CSMD1: variants seen among roughly 807,000 people sequenced by gnomAD.
The protein encoded by CSMD1 is CUB and sushi domain-containing protein 1.
In CSMD1, 213 loss-of-function variants were observed where a neutral mutation model predicts 417.5. That is an observed-to-expected ratio of 0.51 (90% CI 0.46 to 0.57). CSMD1 has a LOEUF of 0.57. CSMD1 is among the 20% of genes least tolerant of loss of function. The pLI is 0.00. For synonymous variants in CSMD1, 2,862 were observed against 1,736.8 expected, an observed-to-expected ratio of 1.65 and a Z score of -16.11; for missense variants, 6,923 against 4,529.7, an observed-to-expected ratio of 1.53 and a Z score of -15.17.
chr8:3,643,268 G>C (rs779950400), intron 7 of CSMD1, among the ~76,000 whole-genome samples: 5 of 151,992 alleles, frequency 3.3e-5, no homozygotes, highest in Non-Finnish European at 7.4e-5. Context: ...GATTCCAAAA[G>C]TAGCCAAAGA....
At chr8:3,028,449 C>A (rs1810108587) in intron 51 of CSMD1, among the ~76,000 whole-genome samples, 1 of 152,258 alleles carries the variant, frequency 6.6e-6, no homozygotes, top group East Asian at 1.9e-4. Context: ...CACTAATAAA[C>A]ACCTGGAAAA....
intron 4 of CSMD1, among the ~76,000 whole-genome samples, chr8:3,998,440 G>T (rs1163631952): frequency 6.6e-6 from 1 of 152,144 alleles, no homozygotes; most frequent in Non-Finnish European, 1.5e-5. Flanking sequence ...CCGAATCCTG[G>T]AAGATGACAC....
chr8:4,595,310 A>C (rs567538611), intron 2 of CSMD1, among the ~76,000 whole-genome samples: 2 of 137,684 alleles, frequency 1.5e-5, no homozygotes, highest in East Asian at 4.5e-4. Flanking sequence ...ATAAAGGGTG[A>C]TTTCTAAGGC....
intron 5 of CSMD1, among the ~76,000 whole-genome samples, chr8:3,856,855 G>T (rs1804349559): frequency 6.6e-6 from 1 of 152,176 alleles, no homozygotes; most frequent in South Asian, 2.1e-4. Flanking sequence ...AGCCACAGCA[G>T]ATCCAGCATG....
chr8:3,844,882 C>G (rs1393640019), intron 5 of CSMD1, among the ~76,000 whole-genome samples: 1 of 152,046 alleles, frequency 6.6e-6, no homozygotes, highest in African/African-American at 2.4e-5. Flanking sequence ...AAAGTTTTTT[C>G]TAAAATTCTT....
chr8:3,385,286 T>C (rs1810936864), intron 18 of CSMD1, among the ~76,000 whole-genome samples: 1 of 150,050 alleles, frequency 6.7e-6, no homozygotes, highest in Admixed American at 6.7e-5. Context: ...TATGTATGTA[T>C]GTATATAGGC....
chr8:4,398,588 G>A (rs981482106), intron 3 of CSMD1, among the ~76,000 whole-genome samples: 11 of 151,648 alleles, frequency 7.3e-5, no homozygotes, highest in East Asian at 2.0e-4. Flanking sequence ...GTAGAGACGG[G>A]GTTTCACCGT....
intron 57 of CSMD1, 79 bp from the exon 58 acceptor site, chr8:2,966,825 A>T (rs1699671403): frequency 1.5e-6 from 2 of 1,300,176 alleles, no homozygotes; most frequent in Admixed American, 2.0e-5. Context: ...ACCAATGGGT[A>T]TCAGTGCAAT....
intron 3 of CSMD1, among the ~76,000 whole-genome samples, chr8:4,069,511 C>CTAA (rs1799433841): frequency 6.6e-6 from 1 of 152,164 alleles, no homozygotes; most frequent in African/African-American, 2.4e-5. Context: ...CTGACATTTG[C>CTAA]TAATGATCGA....
At chr8:4,081,243 C>G (rs146488794) in intron 3 of CSMD1, among the ~76,000 whole-genome samples, 4 of 152,174 alleles carry the variant, frequency 2.6e-5, no homozygotes, top group Admixed American at 6.5e-5. Context: ...CTCAGACAAG[C>G]ATTGTGGTAG....
rs1041560295 is a variant in CSMD1, at chr8:3,323,589, T to A, written c.3632-15086A>T. Among the ~76,000 whole-genome samples the A allele has an allele frequency of 8.5e-5, 13 of 152,300 alleles. No individual in the cohort carries two copies. In the South Asian group the frequency reaches 1.0e-3, roughly 12 times the overall value. On this transcript the variant is annotated intron_variant, in intron 23 of 69. Coordinates refer to ENST00000635120, the MANE Select transcript of CSMD1 (RefSeq NM_033225.6). ...ACAGTTAAAATACTCTTTGATTTTT[T>A]AAAAAAATTTTATAGCATTTCAGTA...
At chr8:4,015,661 T>TAAAAAAAAAAAAAAAAAAAA in intron 4 of CSMD1, among the ~76,000 whole-genome samples, 1 of 97,490 alleles carries the variant, frequency 1.0e-5, no homozygotes, top group Non-Finnish European at 1.9e-5. Context: ...GTTTGAATCT[T>TAAAAAAAAAAAAAAAAAAAA]AAAAAAAAAA....
chr8:3,736,523 G>C (rs1230692000), intron 6 of CSMD1, among the ~76,000 whole-genome samples: 2 of 152,170 alleles, frequency 1.3e-5, no homozygotes, highest in East Asian at 1.9e-4. Context: ...GGGATCACTG[G>C]TGTGGACCAC....
intron 4 of CSMD1, among the ~76,000 whole-genome samples, chr8:4,016,421 C>T (rs1482412567): frequency 6.6e-6 from 1 of 152,158 alleles, no homozygotes; most frequent in Non-Finnish European, 1.5e-5. Flanking sequence ...CATGACCCTG[C>T]AGCTGCACTG....
chr8:3,025,838 T>C (rs191778179), intron 51 of CSMD1, among the ~76,000 whole-genome samples: 7 of 152,376 alleles, frequency 4.6e-5, no homozygotes, highest in South Asian at 2.1e-4. Flanking sequence ...GTAATTGATA[T>C]GTTATTTTAA....
intron 30 of CSMD1, among the ~76,000 whole-genome samples, chr8:3,210,920 T>C (rs924555202): frequency 6.6e-6 from 1 of 152,220 alleles, no homozygotes; most frequent in South Asian, 2.1e-4. Flanking sequence ...TACCTACTTT[T>C]ATCTCCCTCA....
intron 50 of CSMD1, among the ~76,000 whole-genome samples, chr8:3,042,816 G>T (rs1044366391): frequency 6.6e-6 from 1 of 151,932 alleles, no homozygotes; most frequent in Non-Finnish European, 1.5e-5. Flanking sequence ...TTTATAGGTC[G>T]TATAAACCTA....
intron 2 of CSMD1, among the ~76,000 whole-genome samples, chr8:4,462,635 G>C (rs573797907): frequency 6.6e-6 from 1 of 152,264 alleles, no homozygotes; most frequent in East Asian, 1.9e-4. Flanking sequence ...GCTTGCATTA[G>C]ACACATGGAT....
In CSMD1 at chr8:4,334,213, A is replaced by G. The variant is rs148230941; in HGVS notation, c.415+85740T>C. Among the ~76,000 whole-genome samples, 692 of 152,142 alleles carry G rather than the reference A, an allele frequency of 4.5e-3. 4 individuals are homozygous for G. The highest frequency in any genetic ancestry group is 0.016 in the African/African-American group (669 of 41,532). On this transcript the variant is annotated intron_variant, in intron 3 of 69. Coordinates refer to ENST00000635120, the MANE Select transcript of CSMD1 (RefSeq NM_033225.6). Reference sequence around the variant, plus strand: ...TGAGCCACCATGCCTGGCCCTTAAAATTCTGTTTGTATCATCCAATAACTT... The same window carrying G: ...TGAGCCACCATGCCTGGCCCTTAAAGTTCTGTTTGTATCATCCAATAACTT...
Sources: gnomAD v4.1 joint callset for allele counts (sites outside exome capture counted in the v4.1 genomes callset) on GRCh38, gnomAD v4.1.1 for gene constraint, MANE v1.5 for transcripts, NCBI Gene and HGNC (gene_info 2026-07-23, HGNC 2026-07-21) for gene names.